Variants in ARPC4 observed in about 807,000 individuals in gnomAD.
ARPC4 encodes actin-related protein 2/3 complex subunit 4.
ARPC4 carries 3 observed loss-of-function variants against 22.8 expected under a neutral mutation model. The observed-to-expected ratio is 0.13, with a 90% CI of 0.06 to 0.34. The LOEUF is 0.34. Among genes scored for constraint, ARPC4 ranks in the 10% least tolerant of loss-of-function variants. ARPC4 has a pLI of 1.00. For synonymous variants in ARPC4, 80 were observed against 72.5 expected (o/e 1.10, Z -0.52); for missense variants, 98 against 211.0 (o/e 0.46, Z 3.32).
At chr3:9,794,374 C>G (rs1219775580) in intron 1 of ARPC4, among the ~76,000 whole-genome samples, 2 of 152,156 alleles carry the variant, frequency 1.3e-5, no homozygotes, top group Non-Finnish European at 2.9e-5. Context: ...TGGTGGGCAC[C>G]TGTAGTCCCA....
At chr3:9,796,755 C>A (rs908434986) in intron 1 of ARPC4, among the ~76,000 whole-genome samples, 1 of 152,048 alleles carries the variant, frequency 6.6e-6, no homozygotes, top group Non-Finnish European at 1.5e-5. Flanking sequence ...TCCTGGCTAA[C>A]ACCGTGAAAC....
intron 4 of ARPC4, chr3:9,803,495 C>T (rs1480089444): frequency 2.1e-6 from 1 of 471,498 alleles, no homozygotes; most frequent in South Asian, 1.5e-5. Context: ...TCTTCCACAT[C>T]ATCTCTTCTC....
At chr3:9,793,170 T>A (rs1415425773) in intron 1 of ARPC4, 46 bp downstream of exon 1, 1 of 1,532,410 alleles carries the variant, frequency 6.5e-7, no homozygotes, top group Admixed American at 2.0e-5. Flanking sequence ...CTGTTCGGCC[T>A]CAGGGCAGTG....
intron 2 of ARPC4, among the ~76,000 whole-genome samples, chr3:9,798,837 G>A (rs1181287471): frequency 2.0e-5 from 3 of 152,046 alleles, no homozygotes; most frequent in South Asian, 2.1e-4. Flanking sequence ...TCGTGCCACC[G>A]CACTCCAGCC....
rs139503146 is a variant in ARPC4, at chr3:9,797,064, A to G, written c.4-595A>G. ...TGTAAATCTAAATATTTCACATGTC[A>G]TCTTTATATCATAGTTATTTTCTGT... On this transcript the variant is annotated intron_variant, in intron 1 of 5. Transcript: ENST00000397261. Among the ~76,000 whole-genome samples, 89 of 145,556 alleles carry G rather than the reference A, an allele frequency of 6.1e-4. No homozygotes were observed. In the East Asian group the frequency reaches 0.017, roughly 28 times the overall value.
chr3:9,805,996 T>C, intron 5 of ARPC4, among the ~76,000 whole-genome samples: 1 of 152,220 alleles, frequency 6.6e-6, no homozygotes, highest in East Asian at 1.9e-4. Flanking sequence ...TTAATTTTTC[T>C]GCCTTATCTA....
rs112920583 is a variant in ARPC4 at position 9,805,826 on chromosome 3, G to A, written c.502-384G>A. ...CTTGACACAAAAGTACCAGAACCTGGGTCCTTTTCCACTTGGCCCTCTGAG... is the reference window on the plus strand; with the variant it reads ...CTTGACACAAAAGTACCAGAACCTGAGTCCTTTTCCACTTGGCCCTCTGAG... On this transcript the variant is annotated intron_variant, in intron 5 of 5. Coordinates refer to ENST00000397261, the MANE Select transcript of ARPC4 (RefSeq NM_005718.5). Among the ~76,000 whole-genome samples, 1,150 of 152,276 alleles carry A rather than the reference G, an allele frequency of 7.6e-3. 21 individuals are homozygous for A. The highest frequency in any genetic ancestry group is 0.026 in the African/African-American group (1,083 of 41,554).
upstream of ARPC4, chr3:9,792,965 C>A: frequency 7.0e-7 from 1 of 1,418,450 alleles, no homozygotes; most frequent in African/African-American, 1.5e-5. Context: ...TTCCGGAAGG[C>A]CCAAGCGTTC....
intron 4 of ARPC4, 85 bp from the exon 5 acceptor site, chr3:9,803,758 G>A: frequency 7.2e-7 from 1 of 1,395,440 alleles, no homozygotes; most frequent in Admixed American, 1.7e-5. Flanking sequence ...GTGGATGAGT[G>A]GAGGACATGA....
At chr3:9,805,917 C>T (rs74943298) in intron 5 of ARPC4, among the ~76,000 whole-genome samples, 4,227 of 152,318 alleles carry the variant, frequency 0.028, 184 homozygotes, top group African/African-American at 0.096. Context: ...CCAGGCAGGA[C>T]GCTGGCAGGG....
Position 9,803,823 on chromosome 3 carries a change from C to T in ARPC4, c.331-20C>T. ...TCTCCTGTTCCTTCTCTTCCCCCTC[C>T]CTACTGTCTTCTTCCCTAGGGGTAT... On this transcript the variant is annotated intron_variant, in intron 4 of 5. Transcript: ENST00000397261. 1 of 1,609,830 alleles carries T rather than the reference C, an allele frequency of 6.2e-7. No homozygotes were observed. Among genetic ancestry groups the T allele is most frequent in the African/African-American group, 1.3e-5 (1 of 74,970 alleles).
chr3:9,800,404 A>G, intron 3 of ARPC4, 108 bp downstream of exon 3: 3 of 1,042,924 alleles, frequency 2.9e-6, no homozygotes, highest in Non-Finnish European at 4.2e-6. Flanking sequence ...TTCCAGATTC[A>G]GAGTGCAGGA....
chr3:9,795,534 A>G (rs2078864290), intron 1 of ARPC4, among the ~76,000 whole-genome samples: 1 of 152,154 alleles, frequency 6.6e-6, no homozygotes. Flanking sequence ...ATCTTACCTC[A>G]GCCTACCGCT....
intron 4 of ARPC4, among the ~76,000 whole-genome samples, chr3:9,802,764 TC>T (rs1343174279): frequency 6.8e-6 from 1 of 146,626 alleles, no homozygotes; most frequent in Non-Finnish European, 1.5e-5. Flanking sequence ...ACCTTCCACC[TC>T]CCAGGTCAAG....
chr3:9,796,858 A>G (rs544907067), intron 1 of ARPC4, among the ~76,000 whole-genome samples: 5 of 149,918 alleles, frequency 3.3e-5, no homozygotes, highest in South Asian at 2.1e-4. Context: ...GGAGAAGGGC[A>G]TGAACCCGGG....
At chr3:9,802,677 T>C (rs1344946932) in intron 4 of ARPC4, among the ~76,000 whole-genome samples, 9 of 64,878 alleles carry the variant, frequency 1.4e-4, no homozygotes, top group Non-Finnish European at 2.8e-4. Flanking sequence ...GCCTGGCCTT[T>C]TTTTTTCTTT....
chr3:9,800,403 C>A, intron 3 of ARPC4, 107 bp downstream of exon 3: 1 of 1,061,354 alleles, frequency 9.4e-7, no homozygotes, highest in Non-Finnish European at 1.4e-6. Context: ...ATTCCAGATT[C>A]AGAGTGCAGG....
intron 2 of ARPC4, among the ~76,000 whole-genome samples, chr3:9,799,392 T>G (rs1029769797): frequency 2.0e-4 from 31 of 152,218 alleles, no homozygotes; most frequent in African/African-American, 6.3e-4. Flanking sequence ...AAATCCAAAA[T>G]GCTCCAATGA....
upstream of ARPC4, chr3:9,792,839 A>T (rs552619996): frequency 1.2e-4 from 159 of 1,358,848 alleles, no homozygotes; most frequent in Middle Eastern, 1.4e-3. Flanking sequence ...AGGCTGTGGC[A>T]AAGGTGACAA....
Sources: allele counts gnomAD v4.1 joint callset (sites outside exome capture counted in the v4.1 genomes callset), GRCh38; gene constraint gnomAD v4.1.1; transcripts MANE v1.5; gene names NCBI Gene and HGNC (gene_info 2026-07-23, HGNC 2026-07-21).